The following CNTNAP2 variants were observed in gnomAD, a reference collection of about 807,000 sequenced individuals.
CNTNAP2 encodes the protein contactin associated protein 2.
CNTNAP2 carries 98 observed loss-of-function variants against 155.2 expected under a neutral mutation model. The ratio of observed to expected loss-of-function variants is 0.63; its 90% CI spans 0.54 to 0.75. CNTNAP2 has a LOEUF of 0.75. Among genes scored for constraint, CNTNAP2 ranks in the 30% least tolerant of loss-of-function variants. CNTNAP2 has a pLI of 0.00. For synonymous variants in CNTNAP2, 651 were observed against 631.2 expected, an observed-to-expected ratio of 1.03 and a Z score of -0.47; for missense variants, 1,727 against 1,688.1, an observed-to-expected ratio of 1.02 and a Z score of -0.40.
intron 1 of CNTNAP2, among the ~76,000 whole-genome samples, chr7:146,149,448 A>G (rs1327104072): frequency 6.6e-6 from 1 of 152,126 alleles, no homozygotes; most frequent in Non-Finnish European, 1.5e-5. Context: ...CACAGAAAGA[A>G]TCATTTTCTA....
chr7:147,384,165 G>C (rs993081177), intron 9 of CNTNAP2, among the ~76,000 whole-genome samples: 4 of 152,084 alleles, frequency 2.6e-5, no homozygotes, highest in African/African-American at 9.7e-5. Flanking sequence ...GGTGACCAAG[G>C]ATAGACATCT....
intron 10 of CNTNAP2, among the ~76,000 whole-genome samples, chr7:147,430,128 G>A (rs1262673201): frequency 1.3e-5 from 2 of 152,104 alleles, no homozygotes; most frequent in African/African-American, 4.8e-5. Context: ...GATATTTGGT[G>A]TCAGAAACAT....
chr7:147,003,733 C>T (rs1378111500), intron 3 of CNTNAP2, among the ~76,000 whole-genome samples: 1 of 151,810 alleles, frequency 6.6e-6, no homozygotes, highest in African/African-American at 2.4e-5. Flanking sequence ...CGTTTAATGC[C>T]ATTTAACTGG....
intron 16 of CNTNAP2, among the ~76,000 whole-genome samples, chr7:148,131,138 C>G (rs1194269073): frequency 7.1e-6 from 1 of 141,796 alleles, no homozygotes; most frequent in Non-Finnish European, 1.5e-5. Flanking sequence ...CTCTGTTGCC[C>G]AGGCCAGAGT....
chr7:146,979,907 GT>G (rs1202106150), intron 3 of CNTNAP2, among the ~76,000 whole-genome samples: 1 of 152,178 alleles, frequency 6.6e-6, no homozygotes, highest in Admixed American at 6.5e-5. Flanking sequence ...TTAATATTTA[GT>G]TTAACCTAAG....
chr7:146,628,372 G>T (rs1799455542), intron 1 of CNTNAP2, among the ~76,000 whole-genome samples: 1 of 152,062 alleles, frequency 6.6e-6, no homozygotes, highest in African/African-American at 2.4e-5. Context: ...AGGAGCTAGA[G>T]TAGTTGATCA....
intron 4 of CNTNAP2, among the ~76,000 whole-genome samples, chr7:147,096,798 G>A (rs1800545016): frequency 6.6e-6 from 1 of 152,204 alleles, no homozygotes; most frequent in Non-Finnish European, 1.5e-5. Context: ...GTAATGGACA[G>A]CACCCAAGTT....
At chr7:146,553,798 C>T (rs867983039) in intron 1 of CNTNAP2, among the ~76,000 whole-genome samples, 4 of 151,936 alleles carry the variant, frequency 2.6e-5, no homozygotes, top group Non-Finnish European at 2.9e-5. Context: ...TACATTCATA[C>T]GTAAGTGTGA....
At chr7:147,064,086 T>C (rs1195837174) in intron 4 of CNTNAP2, among the ~76,000 whole-genome samples, 1 of 151,874 alleles carries the variant, frequency 6.6e-6, no homozygotes, top group Non-Finnish European at 1.5e-5. Flanking sequence ...TGTCCTCTAG[T>C]GGTTTTTAAG....
chr7:147,086,193 A>G (rs888003247), intron 4 of CNTNAP2, among the ~76,000 whole-genome samples: 1 of 152,352 alleles, frequency 6.6e-6, no homozygotes, highest in South Asian at 2.1e-4. Flanking sequence ...ACAAAATCAT[A>G]TTTAAATAGG....
In CNTNAP2 at chr7:147,848,338, C is replaced by A. The variant is rs1177005; in HGVS notation, c.2099-55227C>A. Among the ~76,000 whole-genome samples, 67 of 150,132 alleles carry A rather than the reference C, an allele frequency of 4.5e-4. 1 individual carries two copies. The East Asian group carries it at 0.01, about 23-fold the overall frequency. On this transcript the variant is annotated intron_variant, in intron 13 of 23. Coordinates refer to ENST00000361727, the MANE Select transcript of CNTNAP2 (RefSeq NM_014141.6). The stretch of plus-strand genomic sequence containing the variant: ...AAGCCGGTCTGAAAAGTGCAATATT[C>A]GGGTGGGAGTGACCCGATTTTCCAG...
intron 2 of CNTNAP2, among the ~76,000 whole-genome samples, chr7:146,827,626 C>T (rs1226756512): frequency 6.6e-6 from 1 of 151,696 alleles, no homozygotes; most frequent in Admixed American, 6.6e-5. Context: ...ATGCTATTTC[C>T]AAAATTCTGC....
At position 147,825,025 on chromosome 7, in the gene CNTNAP2, G is replaced by A. The variant is rs142652606; in HGVS notation, c.2099-78540G>A. ...AGGTACTGGTAAATTTACTTGCTAC[G>A]GATTATACTGAAGGTAAAATGCTGC... On this transcript the variant is annotated intron_variant, in intron 13 of 23. Transcript: ENST00000361727. 8.5e-3 allele frequency among the ~76,000 whole-genome samples: 1,287 copies of A among 152,166 alleles called. 10 individuals are homozygous for A. Among genetic ancestry groups the A allele is most frequent in the Middle Eastern group, 0.031 (9 of 294 alleles).
chr7:146,812,445 A>ATATATATATATATATAAAATATATATAT lies in CNTNAP2; in HGVS notation c.209-27266_209-27265insTATATATATATATATAAAATATATATAT, dbSNP rs1386547927. 9.0e-5 allele frequency among the ~76,000 whole-genome samples: 13 copies of ATATATATATATATATAAAATATATATAT among 144,568 alleles called. 1 individual carries two copies. Among genetic ancestry groups the ATATATATATATATATAAAATATATATAT allele is most frequent in the African/African-American group, 2.8e-4 (11 of 39,002 alleles). 94.8% of individuals were successfully genotyped at this position (144,568 alleles called of 152,430 possible). A position where few individuals can be genotyped will look rare whatever the true frequency, so the allele number is the denominator to read the frequency against. ...CTTTTATATGTATATATATATAAAA[A>ATATATATATATATATAAAATATATATAT]ATATATATATATATATATTTATACT... is the stretch of plus-strand genomic sequence containing the variant. On this transcript the variant is annotated intron_variant, in intron 2 of 23. Transcript: ENST00000361727.
intron 15 of CNTNAP2, among the ~76,000 whole-genome samples, chr7:148,022,916 CCCCTGAAGTGCAT>C (rs1279237580): frequency 1.8e-4 from 28 of 152,042 alleles, no homozygotes; most frequent in Admixed American, 1.8e-3. Context: ...AAAACAGACG[CCCCTGAAGTGCAT>C]CCCTGTGACA....
chr7:148,311,430 T>C (rs1220764554), intron 21 of CNTNAP2, among the ~76,000 whole-genome samples: 1 of 147,228 alleles, frequency 6.8e-6, no homozygotes. Context: ...TGGGGAGAGG[T>C]AGAGGGTGGC....
chr7:146,338,675 T>C (rs1345161327), intron 1 of CNTNAP2, among the ~76,000 whole-genome samples: 1 of 152,130 alleles, frequency 6.6e-6, no homozygotes, highest in Admixed American at 6.6e-5. Context: ...TCTTATTCCT[T>C]AGATGAAAAT....
chr7:147,950,786 A>C (rs911062211), intron 14 of CNTNAP2, among the ~76,000 whole-genome samples: 9 of 152,230 alleles, frequency 5.9e-5, no homozygotes, highest in African/African-American at 2.2e-4. Flanking sequence ...GCAGGAGATA[A>C]ATCTCCAGGG....
chr7:146,636,122 C>T (rs1022162521), intron 1 of CNTNAP2, among the ~76,000 whole-genome samples: 1 of 148,760 alleles, frequency 6.7e-6, no homozygotes, highest in Non-Finnish European at 1.5e-5. Context: ...GAAAACAGAT[C>T]AGTGAATTCC....
Sources: gnomAD v4.1 joint callset for allele counts (sites outside exome capture counted in the v4.1 genomes callset) on GRCh38, gnomAD v4.1.1 for gene constraint, MANE v1.5 for transcripts, NCBI Gene and HGNC (gene_info 2026-07-23, HGNC 2026-07-21) for gene names.